ZNF254: variants seen among roughly 807,000 people sequenced by gnomAD.
ZNF254 encodes the protein CTD-2017D11.1.
ZNF254 carries 10 observed loss-of-function variants against 12.4 expected under a neutral mutation model. The ratio of observed to expected loss-of-function variants is 0.80; its 90% CI spans 0.50 to 1.36. The LOEUF (loss-of-function observed/expected upper bound fraction) is 1.36. Among genes scored for constraint, ZNF254 ranks in the 40% most tolerant of loss-of-function variants. The pLI, the probability that ZNF254 is intolerant of heterozygous loss-of-function variation, is 0.00. For synonymous variants in ZNF254, 305 were observed against 253.4 expected, an observed-to-expected ratio of 1.20 and a Z score of -1.93; for missense variants, 996 against 763.9, an observed-to-expected ratio of 1.30 and a Z score of -3.58.
chr19:24,059,183 GGC>G (rs1970977103), intron 2 of ZNF254, among the ~76,000 whole-genome samples: 2 of 152,198 alleles, frequency 1.3e-5, no homozygotes, highest in Admixed American at 1.3e-4. Flanking sequence ...GCCCACAGAG[GGC>G]ATTATGACAT....
At chr19:24,053,667 G>T (rs959208910) in intron 2 of ZNF254, among the ~76,000 whole-genome samples, 1 of 152,140 alleles carries the variant, frequency 6.6e-6, no homozygotes, top group Admixed American at 6.5e-5. Flanking sequence ...TGTGCTGCCT[G>T]GTTCCTCTTG....
At chr19:24,119,789 A>C (rs1320126701) in intron 3 of ZNF254, among the ~76,000 whole-genome samples, 2 of 152,056 alleles carry the variant, frequency 1.3e-5, no homozygotes, top group Non-Finnish European at 2.9e-5. Flanking sequence ...TAAGTAGTTT[A>C]ATTAATTTAT....
chr19:24,058,373 C>T (rs891562085), intron 2 of ZNF254, among the ~76,000 whole-genome samples: 1 of 151,458 alleles, frequency 6.6e-6, no homozygotes, highest in Admixed American at 6.6e-5. Flanking sequence ...GGCCTTGCAT[C>T]CAGGTGATGG....
rs1974863485 is a variant in ZNF254, at chr19:24,126,594, C to G, written c.594C>G (p.Thr198=). 1.2e-6 allele frequency: 2 copies of G among 1,601,976 alleles called. No individual in the cohort carries two copies. Among genetic ancestry groups the G allele is most frequent in the African/African-American group, 1.4e-5 (1 of 74,004 alleles). ...VKLFCMLSHK[T]QHKSIYHREK... Reference sequence around the variant, plus strand: ...TATTTTGCATGCTTTCACATAAAACCCAACACAAAAGCATTTATCATAGAG... The same window carrying G: ...TATTTTGCATGCTTTCACATAAAACGCAACACAAAAGCATTTATCATAGAG... The change falls in exon 4 of 4, where the codon ACC becomes ACG. Residue 198 remains threonine (T), a synonymous_variant. Transcript: ENST00000357002.
At chr19:24,049,214 A>ATATATATTTT (rs1160333151) in intron 2 of ZNF254, among the ~76,000 whole-genome samples, 11 of 40,860 alleles carry the variant, frequency 2.7e-4, no homozygotes, top group African/African-American at 9.6e-4. Context: ...ATATATATAT[A>ATATATATTTT]TTTTTTTTTT....
chr19:24,079,319 TC>T (rs1568442429), intron 2 of ZNF254: 1 of 152,196 alleles, frequency 6.6e-6, no homozygotes, highest in East Asian at 1.9e-4. Flanking sequence ...TGGTCTTTTT[TC>T]CCACTAATAC....
At position 24,037,611 on chromosome 19, in the gene ZNF254, A is replaced by AT. The variant is rs200440374; in HGVS notation, c.-190+3996dup. Among the ~76,000 whole-genome samples, 173 of 150,878 alleles carry AT rather than the reference A, an allele frequency of 1.1e-3. 1 individual carries two copies. The highest frequency in any genetic ancestry group is 2.8e-3 in the Admixed American group (43 of 15,118). The stretch of plus-strand genomic sequence containing the variant: ...ACAATGCCCGGCTAATTGTTTTTTT[A>AT]TTTTTTATTTTTTTTGAGATGTAGT... On this transcript the variant is annotated intron_variant, in intron 1 of 4. Coordinates refer to the ZNF254 transcript ENST00000613065.
At chr19:24,099,663 A>G (rs1296491872) in intron 1 of ZNF254, among the ~76,000 whole-genome samples, 2 of 152,196 alleles carry the variant, frequency 1.3e-5, no homozygotes, top group Admixed American at 1.3e-4. Context: ...ACCAGTTAGC[A>G]TACATGGATG....
At chr19:24,123,077 T>C (rs1421398140) in intron 3 of ZNF254, among the ~76,000 whole-genome samples, 1 of 152,220 alleles carries the variant, frequency 6.6e-6, no homozygotes, top group East Asian at 1.9e-4. Context: ...AAAAATGCAG[T>C]GAGAAATTTG....
At chr19:24,093,353 A>G (rs985951266) in intron 1 of ZNF254, among the ~76,000 whole-genome samples, 1 of 152,126 alleles carries the variant, frequency 6.6e-6, no homozygotes, top group African/African-American at 2.4e-5. Context: ...ATCTTCAATT[A>G]TGAATTCTCT....
At chr19:24,110,859 T>C (rs911322272) in intron 3 of ZNF254, among the ~76,000 whole-genome samples, 1 of 152,122 alleles carries the variant, frequency 6.6e-6, no homozygotes, top group Non-Finnish European at 1.5e-5. Flanking sequence ...CAAGATTTTT[T>C]TTTTTCACTG....
At chr19:24,035,401 G>A (rs1969928445) in intron 1 of ZNF254, among the ~76,000 whole-genome samples, 1 of 152,132 alleles carries the variant, frequency 6.6e-6, no homozygotes, top group South Asian at 2.1e-4. Context: ...GACCTCAGGT[G>A]ATCCACCCTC....
chr19:24,100,668 G>A (rs900386382), intron 1 of ZNF254, among the ~76,000 whole-genome samples: 1 of 131,174 alleles, frequency 7.6e-6, no homozygotes, highest in Non-Finnish European at 1.5e-5. Context: ...AAAGAAGTTT[G>A]TATGTCTCTC....
At chr19:24,082,193 A>C (rs1036825010), upstream of ZNF254, among the ~76,000 whole-genome samples, 1 of 152,068 alleles carries the variant, frequency 6.6e-6, no homozygotes, top group African/African-American at 2.4e-5. Flanking sequence ...CTTTATCACA[A>C]ACCCTTGTGG....
intron 2 of ZNF254, chr19:24,078,832 C>T (rs1971749018): frequency 6.6e-6 from 1 of 152,100 alleles, no homozygotes; most frequent in Non-Finnish European, 1.5e-5. Context: ...CCCAATGCCC[C>T]CCATCAGCTT....
chr19:24,094,444 A>G (rs952225079), intron 1 of ZNF254, among the ~76,000 whole-genome samples: 8 of 150,750 alleles, frequency 5.3e-5, no homozygotes, highest in African/African-American at 2.0e-4. Context: ...TATTTTTAGT[A>G]GAGGTGGGGT....
chr19:24,096,201 G>A (rs1311759901), intron 1 of ZNF254, among the ~76,000 whole-genome samples: 3 of 151,876 alleles, frequency 2.0e-5, no homozygotes, highest in Non-Finnish European at 4.4e-5. Flanking sequence ...TGGGATTACA[G>A]GCATGTGCCA....
chr19:24,054,605 C>G (rs1970771502), intron 2 of ZNF254, among the ~76,000 whole-genome samples: 1 of 152,186 alleles, frequency 6.6e-6, no homozygotes, highest in African/African-American at 2.4e-5. Context: ...GATTATCACC[C>G]TCACACAGGG....
upstream of ZNF254, chr19:24,087,180 T>C: frequency 1.6e-6 from 2 of 1,235,126 alleles, no homozygotes; most frequent in African/African-American, 1.5e-5. Context: ...TTCCGGGATA[T>C]GGCGGGGCCT....
Sources: allele counts gnomAD v4.1 joint callset (sites outside exome capture counted in the v4.1 genomes callset), GRCh38; gene constraint gnomAD v4.1.1; transcripts MANE v1.5; gene names NCBI Gene and HGNC (gene_info 2026-07-23, HGNC 2026-07-21).